AGTPBP1: variants seen among roughly 807,000 people sequenced by gnomAD.
AGTPBP1 encodes cytosolic carboxypeptidase 1.
AGTPBP1 carries 70 observed loss-of-function variants against 143.9 expected under a neutral mutation model. The observed-to-expected ratio is 0.49, with a 90% CI of 0.40 to 0.59. The LOEUF (loss-of-function observed/expected upper bound fraction) is 0.59, where lower values mean the gene tolerates loss of function less well. Ranked by LOEUF, AGTPBP1 falls within the 20% of genes least tolerant of loss-of-function variation. AGTPBP1 has a pLI of 0.00. For synonymous variants in AGTPBP1, 463 were observed against 500.2 expected (o/e 0.93, Z 0.99); for missense variants, 1,229 against 1,464.5 (o/e 0.84, Z 2.62).
intron 11 of AGTPBP1, among the ~76,000 whole-genome samples, chr9:85,650,192 T>C (rs1209263236): frequency 2.0e-5 from 3 of 152,122 alleles, no homozygotes; most frequent in African/African-American, 4.8e-5. Flanking sequence ...TTTTTTACTA[T>C]TTAAGTCAAT....
the AGTPBP1 span, among the ~76,000 whole-genome samples, chr9:85,801,946 A>T: frequency 2.6e-5 from 4 of 152,160 alleles, no homozygotes; most frequent in Non-Finnish European, 5.9e-5. Context: ...GTATATATGT[A>T]TGTATGTATG....
At chr9:85,655,781 C>T (rs1477080385) in intron 10 of AGTPBP1, among the ~76,000 whole-genome samples, 1 of 151,706 alleles carries the variant, frequency 6.6e-6, no homozygotes, top group African/African-American at 2.4e-5. Context: ...TGGCTATTCA[C>T]CTTATAAAAG....
At chr9:85,727,429 A>G (rs969229898) in intron 1 of AGTPBP1, among the ~76,000 whole-genome samples, 5 of 152,216 alleles carry the variant, frequency 3.3e-5, no homozygotes, top group African/African-American at 1.2e-4. Context: ...GTTCTAATTG[A>G]AGCTCCAAAA....
At chr9:85,573,229 G>A (rs543636852) in intron 25 of AGTPBP1, among the ~76,000 whole-genome samples, 11 of 151,102 alleles carry the variant, frequency 7.3e-5, no homozygotes, top group African/African-American at 2.7e-4. Context: ...TCAGCCTGCC[G>A]AGTGCCTGCC....
At chr9:85,804,478 G>C in the AGTPBP1 span, among the ~76,000 whole-genome samples, 1 of 152,086 alleles carries the variant, frequency 6.6e-6, no homozygotes, top group South Asian at 2.1e-4. Context: ...CACCTATCAT[G>C]GTTTGTCTTT....
intron 22 of AGTPBP1, 43 bp from the exon 23 acceptor site, chr9:85,585,637 T>G (rs1347114423): frequency 3.4e-6 from 5 of 1,487,382 alleles, no homozygotes; most frequent in Non-Finnish European, 4.5e-6. Context: ...TTCAAGTTCA[T>G]ATGTTGCTAA....
At chr9:85,656,081 C>T (rs1178798603) in intron 10 of AGTPBP1, among the ~76,000 whole-genome samples, 8 of 152,204 alleles carry the variant, frequency 5.3e-5, no homozygotes, top group African/African-American at 1.9e-4. Context: ...CCCGCCTTGG[C>T]CTCCCAAAGT....
In AGTPBP1 at chr9:85,678,276, C is replaced by T. The variant is rs568840593; in HGVS notation, c.289+59G>A. ...CGGAAAATTCCAAATAAAGTGAATA[C>T]GATACATTGTTGATCACTGTTTAGA... On this transcript the variant is annotated intron_variant, in intron 5 of 25. Coordinates refer to ENST00000357081, the MANE Select transcript of AGTPBP1 (RefSeq NM_001330701.2). 50 of 1,170,390 alleles carry T rather than the reference C, an allele frequency of 4.3e-5. No homozygotes were observed. The East Asian group carries it at 5.7e-4, about 13-fold the overall frequency. The allele number at this position is 1,170,390 out of a possible 1,614,324, so 72.5% of individuals were successfully genotyped here.
At chr9:85,699,789 G>GT (rs370174135) in intron 2 of AGTPBP1, among the ~76,000 whole-genome samples, 159 of 152,088 alleles carry the variant, frequency 1.0e-3, no homozygotes, top group Middle Eastern at 3.4e-3. Flanking sequence ...TACTAAACAC[G>GT]TAACTGTTTT....
rs190801428 is a variant in AGTPBP1 at position 85,711,532 on chromosome 9, C to T, written c.32+970G>A. Among the ~76,000 whole-genome samples, 22 of 150,848 alleles carry T rather than the reference C, an allele frequency of 1.5e-4. 1 individual carries two copies. In the East Asian group the frequency reaches 3.9e-3, roughly 27 times the overall value. On this transcript the variant is annotated intron_variant, in intron 2 of 25. Coordinates refer to ENST00000357081, the MANE Select transcript of AGTPBP1 (RefSeq NM_001330701.2). ...TGGGCTCACTGCAACCTCTGACTCT[C>T]GGGTTCAAGCGATTCTCCAGCCTCA...
Position 85,647,023 on chromosome 9 carries a change from A to ATCCCAGCAC in AGTPBP1, c.1088-614_1088-606dup, listed in dbSNP as rs564513671. On this transcript the variant is annotated intron_variant, in intron 11 of 25. Transcript: ENST00000357081. ...TCAGGCGCAGTGGCTCACGCCTGTA[A>ATCCCAGCAC]TCCCAGCACTTTGGGAGGCCAAGGC... is the stretch of plus-strand genomic sequence containing the variant. Among the ~76,000 whole-genome samples, 178 of 152,314 alleles carry ATCCCAGCAC rather than the reference A, an allele frequency of 1.2e-3. 3 individuals carry two copies. Among genetic ancestry groups the ATCCCAGCAC allele is most frequent in the Admixed American group, 0.01 (159 of 15,302 alleles).
At chr9:85,605,659 T>A (rs1829946760) in intron 17 of AGTPBP1, among the ~76,000 whole-genome samples, 1 of 151,940 alleles carries the variant, frequency 6.6e-6, no homozygotes, top group Non-Finnish European at 1.5e-5. Context: ...GACAAAAAGA[T>A]GAACCTATCA....
At chr9:85,664,682 T>C (rs1053392045) in intron 8 of AGTPBP1, among the ~76,000 whole-genome samples, 3 of 152,184 alleles carry the variant, frequency 2.0e-5, no homozygotes, top group African/African-American at 7.2e-5. Context: ...GTTTAATTTC[T>C]ACATGTTATA....
intron 14 of AGTPBP1, among the ~76,000 whole-genome samples, chr9:85,630,010 G>A (rs1831553829): frequency 6.6e-6 from 1 of 152,160 alleles, no homozygotes; most frequent in African/African-American, 2.4e-5. Flanking sequence ...AATACTTTCA[G>A]TTTGAGGCAA....
chr9:85,734,760 T>A (rs1242797991), intron 1 of AGTPBP1, among the ~76,000 whole-genome samples: 1 of 152,102 alleles, frequency 6.6e-6, no homozygotes, highest in Non-Finnish European at 1.5e-5. Context: ...TCCGGGTATA[T>A]ACTCAAAAGA....
At position 85,657,464 on chromosome 9, in the gene AGTPBP1, C is replaced by T; in HGVS notation, c.880G>A (p.Gly294Arg). The T allele has an allele frequency of 6.2e-7, 1 of 1,613,514 alleles. No individual in the cohort carries two copies. The highest frequency in any genetic ancestry group is 8.5e-7 in the Non-Finnish European group (1 of 1,179,762). Residue 294 changes from glycine to arginine, a missense_variant, in exon 10 of 26, where the codon GGG becomes AGG. Coordinates refer to ENST00000357081, the MANE Select transcript of AGTPBP1 (RefSeq NM_001330701.2). ...GAAGTATTATACAGAATTTTCATCC[C>T]ATTGGCATCAATAAATGCTTTTCTT... Reference protein sequence around the residue: ...LGRKAFIDANGMKILYNTSQE... With the variant: ...LGRKAFIDANRMKILYNTSQE...
intron 18 of AGTPBP1, among the ~76,000 whole-genome samples, chr9:85,593,335 G>A (rs1829089939): frequency 6.6e-6 from 1 of 152,126 alleles, no homozygotes; most frequent in Non-Finnish European, 1.5e-5. Flanking sequence ...TGACAATCCA[G>A]CTTCTTTAGC....
At chr9:85,692,293 T>G (rs1835929307) in intron 3 of AGTPBP1, among the ~76,000 whole-genome samples, 1 of 149,178 alleles carries the variant, frequency 6.7e-6, no homozygotes, top group African/African-American at 2.5e-5. Context: ...TTTTTTTTTA[T>G]GAGACGGAGT....
At chr9:85,638,082 A>G (rs1832193969) in intron 13 of AGTPBP1, among the ~76,000 whole-genome samples, 1 of 151,844 alleles carries the variant, frequency 6.6e-6, no homozygotes, top group Non-Finnish European at 1.5e-5. Flanking sequence ...TTTTTAGAAA[A>G]CCCACTTGAC....
Sources: allele counts gnomAD v4.1 joint callset (sites outside exome capture counted in the v4.1 genomes callset), GRCh38; gene constraint gnomAD v4.1.1; transcripts MANE v1.5; gene names NCBI Gene and HGNC (gene_info 2026-07-23, HGNC 2026-07-21).